The following ACSM3 variants were observed in gnomAD, a reference collection of about 807,000 sequenced individuals.
ACSM3 encodes the protein acyl-CoA synthetase medium chain family member 3, also known as acyl-coenzyme A synthetase ACSM3, mitochondrial.
In ACSM3, 61 loss-of-function variants were observed where a neutral mutation model predicts 74.1. The ratio of observed to expected loss-of-function variants is 0.82; its 90% CI spans 0.67 to 1.02. The LOEUF (loss-of-function observed/expected upper bound fraction) is 1.02. Ranked by LOEUF, ACSM3 falls within the 50% of genes least tolerant of loss-of-function variation. The pLI, the probability that ACSM3 is intolerant of heterozygous loss-of-function variation, is 0.00. For synonymous variants in ACSM3, 213 were observed against 241.5 expected (o/e 0.88, Z 1.09); for missense variants, 660 against 697.0 (o/e 0.95, Z 0.60).
chr16:20,743,095 C>G (rs930518341), intron 1 of ACSM3, among the ~76,000 whole-genome samples: 8 of 151,794 alleles, frequency 5.3e-5, no homozygotes, highest in Non-Finnish European at 1.2e-4. Context: ...CCCGCCACCA[C>G]GCCCGGCTAA....
chr16:20,727,350 T>C (rs781681111), intron 1 of ACSM3: 2 of 589,164 alleles, frequency 3.4e-6, no homozygotes, highest in Non-Finnish European at 6.4e-6. Flanking sequence ...CAGATATAAA[T>C]TCAAGAGGCT....
upstream of ACSM3, among the ~76,000 whole-genome samples, chr16:20,761,751 A>C (rs1010381056): frequency 1.3e-5 from 2 of 152,210 alleles, no homozygotes; most frequent in Non-Finnish European, 2.9e-5. Context: ...GGTGATCAGC[A>C]GCTTTCCAAT....
intron 13 of ACSM3, 159 bp downstream of exon 13, chr16:20,796,648 A>C: frequency 6.7e-7 from 1 of 1,486,788 alleles, no homozygotes; most frequent in East Asian, 2.5e-5. Context: ...TTGAGATTAA[A>C]ATGAAACCCT....
At chr16:20,706,083 A>AGTGTGT (rs59605164) in intron 1 of ACSM3, among the ~76,000 whole-genome samples, 232 of 149,770 alleles carry the variant, frequency 1.5e-3, no homozygotes, top group African/African-American at 2.2e-3. Context: ...ATCGTGGAAC[A>AGTGTGT]GTGTGTGTGT....
upstream of ACSM3, among the ~76,000 whole-genome samples, chr16:20,761,397 G>A (rs1230910919): frequency 1.3e-5 from 2 of 152,188 alleles, no homozygotes; most frequent in African/African-American, 4.8e-5. Flanking sequence ...TAAATTAATT[G>A]AGACCTGTCT....
intron 1 of ACSM3, among the ~76,000 whole-genome samples, chr16:20,740,764 C>T (rs2079911029): frequency 6.6e-6 from 1 of 152,170 alleles, no homozygotes; most frequent in Admixed American, 6.5e-5. Context: ...TTTCCAAACA[C>T]TAAGACTTTA....
chr16:20,685,883 G>C (rs1297142828), intron 1 of ACSM3, among the ~76,000 whole-genome samples: 2 of 150,710 alleles, frequency 1.3e-5, no homozygotes, highest in African/African-American at 4.9e-5. Context: ...TTTAGGGGTG[G>C]AGCGGGACTT....
chr16:20,794,054 A>G (rs748808604), intron 12 of ACSM3, among the ~76,000 whole-genome samples: 17 of 152,316 alleles, frequency 1.1e-4, no homozygotes, highest in Admixed American at 3.3e-4. Context: ...GGTAGGCTGC[A>G]GCATTTCCTA....
intron 3 of ACSM3, among the ~76,000 whole-genome samples, chr16:20,776,663 G>C (rs1358490888): frequency 2.0e-5 from 3 of 152,154 alleles, no homozygotes; most frequent in Non-Finnish European, 4.4e-5. Flanking sequence ...TATAAAAGAA[G>C]TAGTATTATT....
chr16:20,793,739 T>C (rs925118022), intron 12 of ACSM3, among the ~76,000 whole-genome samples: 1 of 152,192 alleles, frequency 6.6e-6, no homozygotes, highest in South Asian at 2.1e-4. Flanking sequence ...AAACAGTCAG[T>C]GATTATTGGC....
intron 2 of ACSM3, among the ~76,000 whole-genome samples, chr16:20,773,663 T>C (rs1196299454): frequency 6.6e-6 from 1 of 152,344 alleles, no homozygotes; most frequent in East Asian, 1.9e-4. Context: ...TTTGTACAGT[T>C]TTCCAAAGTT....
intron 1 of ACSM3, chr16:20,681,606 T>C (rs1283257579): frequency 2.0e-5 from 3 of 152,826 alleles, no homozygotes; most frequent in Admixed American, 6.5e-5. Flanking sequence ...GCACAGTTGA[T>C]GGCATTAACC....
Position 20,718,014 on chromosome 16 carries a change from GA to G in ACSM3, c.-189-31894del, listed in dbSNP as rs1567323308. Among the ~76,000 whole-genome samples, 225 of 146,382 alleles carry G rather than the reference GA, an allele frequency of 1.5e-3. 1 individual carries two copies. Among genetic ancestry groups the G allele is most frequent in the African/African-American group, 5.6e-3 (217 of 38,882 alleles). ...AGAAGAAGAAGAAGAAGAAGAAGAA[GA>G]AGAAGAAGAAGAAAAGAAAGAAGAA... On this transcript the variant is annotated intron_variant, in intron 1 of 3. Transcript: ENST00000561584.
chr16:20,735,627 G>C (rs550248282), intron 1 of ACSM3: 1 of 151,820 alleles, frequency 6.6e-6, no homozygotes, highest in South Asian at 2.1e-4. Context: ...CAGATATGAT[G>C]TCACAACATT....
intron 1 of ACSM3, among the ~76,000 whole-genome samples, chr16:20,768,097 A>G (rs1208550012): frequency 6.6e-6 from 1 of 152,104 alleles, no homozygotes; most frequent in Non-Finnish European, 1.5e-5. Context: ...AAGTTTGCTG[A>G]CCCCTATTCT....
At chr16:20,718,846 A>C (rs1032404977) in intron 1 of ACSM3, among the ~76,000 whole-genome samples, 6 of 152,230 alleles carry the variant, frequency 3.9e-5, no homozygotes, top group African/African-American at 1.4e-4. Context: ...TACACTATTT[A>C]AAATAATGAT....
At chr16:20,771,258 G>A (rs59740451) in intron 2 of ACSM3, among the ~76,000 whole-genome samples, 2,837 of 151,850 alleles carry the variant, frequency 0.019, 84 homozygotes, top group African/African-American at 0.064. Context: ...ACAGGGTTTT[G>A]CCATGTTGGC....
chr16:20,781,136 C>T lies in ACSM3; in HGVS notation c.939+6C>T, dbSNP rs769940054. On this transcript the variant is annotated splice_donor_region_variant and intron_variant, in intron 6 of 13. Coordinates refer to ENST00000289416, the MANE Select transcript of ACSM3 (RefSeq NM_005622.4). The stretch of plus-strand genomic sequence containing the variant: ...AGCCGACTTCTATCTTGCAAGTAAG[C>T]CAAAGCACAAAGAGGTCAATATTTA... 5.6e-6 allele frequency: 9 copies of T among 1,613,376 alleles called. No individual in the cohort carries two copies. In the South Asian group the frequency reaches 8.8e-5, roughly 16 times the overall value.
intron 12 of ACSM3, among the ~76,000 whole-genome samples, chr16:20,795,641 CA>C (rs1228739329): frequency 6.6e-6 from 1 of 152,210 alleles, no homozygotes; most frequent in Non-Finnish European, 1.5e-5. Flanking sequence ...ACTGTGCCTA[CA>C]GGGAAGCATC....
Sources: gnomAD v4.1 joint callset for allele counts (sites outside exome capture counted in the v4.1 genomes callset) on GRCh38, gnomAD v4.1.1 for gene constraint, MANE v1.5 for transcripts, NCBI Gene and HGNC (gene_info 2026-07-23, HGNC 2026-07-21) for gene names.